CLTC: variants seen among roughly 807,000 people sequenced by gnomAD.
CLTC encodes clathrin heavy chain 1.
A neutral mutation model predicts 195.8 loss-of-function variants in CLTC; 16 were observed. The ratio of observed to expected loss-of-function variants is 0.08; its 90% CI spans 0.06 to 0.12. The LOEUF (loss-of-function observed/expected upper bound fraction) is 0.12, where lower values mean the gene tolerates loss of function less well. CLTC is among the 10% of genes least tolerant of loss of function. The pLI is 1.00. For missense variants in CLTC, 796 were observed against 2,027.0 expected (o/e 0.39, Z 11.66); for synonymous variants, 667 against 689.4 (o/e 0.97, Z 0.51).
In CLTC at chr17:59,661,435, T is replaced by C. The variant is rs762133938; in HGVS notation, c.1168-8T>C. 1.2e-6 allele frequency: 2 copies of C among 1,612,224 alleles called. No individual in the cohort carries two copies. Among genetic ancestry groups the C allele is most frequent in the African/African-American group, 1.3e-5 (1 of 74,852 alleles). ...TCGAAGAGCGTTTAACATTTCTCCT[T>C]CTTAAAGGGAATTCTTCGTACTCCA... is the stretch of plus-strand genomic sequence containing the variant. On this transcript the variant is annotated splice_region_variant and splice_polypyrimidine_tract_variant and intron_variant, in intron 7 of 31. Transcript: ENST00000269122.
In CLTC at chr17:59,619,901, T is replaced by C; in HGVS notation, c.-231T>C. The C allele has an allele frequency of 3.9e-6, 2 of 510,724 alleles. No homozygotes were observed. The allele number at this position is 510,724 out of a possible 1,614,324, so 31.6% of individuals were successfully genotyped here. On this transcript the variant is annotated 5_prime_UTR_variant, in exon 1 of 32. Transcript: ENST00000269122. ...GGATCCTTCCGCTGGGCTCAGCCGTTTCCGGAGTCTGCGCTGCGCCCGGTT... is the reference window on the plus strand; with the variant it reads ...GGATCCTTCCGCTGGGCTCAGCCGTCTCCGGAGTCTGCGCTGCGCCCGGTT...
At position 59,690,729 on chromosome 17, in the gene CLTC, C is replaced by A; in HGVS notation, c.4903+18C>A. ...TGTTTATGGTAATCTCTCTCTGTAA[C>A]CTCAAAAAATTCATTAGACAAATAT... On this transcript the variant is annotated intron_variant, in intron 31 of 31. Coordinates refer to ENST00000269122, the MANE Select transcript of CLTC (RefSeq NM_004859.4). 1 of 1,575,532 alleles carries A rather than the reference C, an allele frequency of 6.3e-7. No individual in the cohort carries two copies. The highest frequency in any genetic ancestry group is 1.1e-5 in the South Asian group (1 of 88,966).
chr17:59,683,796 A>G lies in CLTC; in HGVS notation c.4323+40A>G. On this transcript the variant is annotated intron_variant, in intron 27 of 31. Coordinates refer to ENST00000269122, the MANE Select transcript of CLTC (RefSeq NM_004859.4). This position sits in a 1 kb window ranked among gnomAD's most constrained non-coding sequence, Gnocchi z 6.1. The stretch of plus-strand genomic sequence containing the variant: ...TTAAACCAAAGCTTCATAGCAAGGA[A>G]TTAGGACATACTTCGATAACTTTTG... 1 of 1,613,704 alleles carries G rather than the reference A, an allele frequency of 6.2e-7. No homozygotes were observed. Among genetic ancestry groups the G allele is most frequent in the South Asian group, 1.1e-5 (1 of 91,062 alleles).
At position 59,685,718 on chromosome 17, in the gene CLTC, A is replaced by G; in HGVS notation, c.4737A>G (p.Pro1579=). The change falls in exon 30 of 32, where the codon CCA becomes CCG. Residue 1579 remains proline (P), a synonymous_variant. Coordinates refer to ENST00000269122, the MANE Select transcript of CLTC (RefSeq NM_004859.4). This position sits in a 1 kb window ranked among gnomAD's most constrained non-coding sequence, Gnocchi z 5.0. Reference sequence around the variant, plus strand: ...TTACCTGTTACGATCTTTTAAGGCCAGATGTCGTCCTAGAAACTGCATGGA... The same window carrying G: ...TTACCTGTTACGATCTTTTAAGGCCGGATGTCGTCCTAGAAACTGCATGGA... The part of the protein sequence containing the change: ...CLFTCYDLLR[P]DVVLETAWRH... 6.2e-7 allele frequency: 1 copy of G among 1,614,164 alleles called. No individual in the cohort carries two copies. The highest frequency in any genetic ancestry group is 8.5e-7 in the Non-Finnish European group (1 of 1,179,990).
chr17:59,655,928 T>C lies in CLTC; in HGVS notation c.870T>C (p.Gly290=). 1 of 1,612,746 alleles carries C rather than the reference T, an allele frequency of 6.2e-7. No homozygotes were observed. Among genetic ancestry groups the C allele is most frequent in the Non-Finnish European group, 8.5e-7 (1 of 1,179,530 alleles). Reference sequence around the variant, plus strand: ...TCCACCTCTATGATCTTGAGACTGGTACCTGCATCTACATGAATAGAATCA... The same window carrying C: ...TCCACCTCTATGATCTTGAGACTGGCACCTGCATCTACATGAATAGAATCA... ...GYIHLYDLET[G]TCIYMNRISG... is the part of the protein sequence containing the mutation. Residue 290 remains glycine, a synonymous_variant, in exon 6 of 32, where the codon GGT becomes GGC. Coordinates refer to ENST00000269122, the MANE Select transcript of CLTC (RefSeq NM_004859.4).
chr17:59,671,471 G>A (rs925651963), intron 14 of CLTC, among the ~76,000 whole-genome samples: 7 of 152,106 alleles, frequency 4.6e-5, no homozygotes, highest in Non-Finnish European at 1.0e-4. Flanking sequence ...ATATTCAAGT[G>A]CCAATTGTGT....
intron 1 of CLTC, among the ~76,000 whole-genome samples, chr17:59,643,556 G>A (rs916719151): frequency 1.3e-5 from 2 of 152,138 alleles, no homozygotes; most frequent in African/African-American, 4.8e-5. Flanking sequence ...TTAGCTTGTT[G>A]GTCTGGCCCT....
intron 1 of CLTC, among the ~76,000 whole-genome samples, chr17:59,627,386 A>G (rs2031582938): frequency 6.6e-6 from 1 of 152,198 alleles, no homozygotes; most frequent in South Asian, 2.1e-4. Flanking sequence ...GATTAGCCTT[A>G]TTGTAGAGAT....
At chr17:59,665,618 C>A (rs907236499) in intron 10 of CLTC, among the ~76,000 whole-genome samples, 5 of 152,096 alleles carry the variant, frequency 3.3e-5, no homozygotes, top group Non-Finnish European at 7.3e-5. Context: ...GTGGGCAGAT[C>A]ACCTGAGGTC....
intron 5 of CLTC, among the ~76,000 whole-genome samples, chr17:59,653,657 A>T (rs372801946): frequency 2.6e-5 from 4 of 151,958 alleles, no homozygotes; most frequent in African/African-American, 9.7e-5. Flanking sequence ...GGCTCAACTG[A>T]TCCTCTTGCC....
intron 31 of CLTC, among the ~76,000 whole-genome samples, chr17:59,692,145 C>T (rs534429686): frequency 7.9e-5 from 12 of 152,182 alleles, no homozygotes; most frequent in South Asian, 6.2e-4. Flanking sequence ...GGTGAAACCC[C>T]ATCTCTACTA....
chr17:59,664,096 C>A, intron 9 of CLTC, 102 bp downstream of exon 9: 1 of 980,704 alleles, frequency 1.0e-6, no homozygotes, highest in Non-Finnish European at 1.5e-6. Flanking sequence ...AATTTCCTTT[C>A]ATTTTGATTT....
intron 1 of CLTC, among the ~76,000 whole-genome samples, chr17:59,632,139 C>T (rs939561823): frequency 9.9e-5 from 15 of 151,990 alleles, no homozygotes; most frequent in African/African-American, 3.1e-4. Context: ...GAGGGTGAGG[C>T]GGGCGGATCA....
intron 2 of CLTC, among the ~76,000 whole-genome samples, chr17:59,645,859 G>A (rs992214756): frequency 3.5e-5 from 2 of 57,400 alleles, no homozygotes; most frequent in African/African-American, 7.9e-5. Flanking sequence ...AGGGTATTAA[G>A]CTTCCTTCAG....
At chr17:59,645,354 A>G (rs2032162479) in intron 2 of CLTC, among the ~76,000 whole-genome samples, 1 of 152,188 alleles carries the variant, frequency 6.6e-6, no homozygotes, top group Admixed American at 6.5e-5. Context: ...GTTTATTCAG[A>G]CTAACTTTTT....
At chr17:59,645,666 A>G (rs1331921808) in intron 2 of CLTC, among the ~76,000 whole-genome samples, 1 of 152,210 alleles carries the variant, frequency 6.6e-6, no homozygotes, top group African/African-American at 2.4e-5. Context: ...TAAACTTTGT[A>G]TATAGTAATA....
chr17:59,628,240 G>A (rs763126384), intron 1 of CLTC, among the ~76,000 whole-genome samples: 2 of 152,176 alleles, frequency 1.3e-5, no homozygotes, highest in Non-Finnish European at 2.9e-5. Context: ...TCTGGAAAAT[G>A]TCTCAGATGT....
At chr17:59,641,032 T>C (rs1470222559) in intron 1 of CLTC, among the ~76,000 whole-genome samples, 2 of 151,194 alleles carry the variant, frequency 1.3e-5, no homozygotes, top group African/African-American at 4.9e-5. Flanking sequence ...GGCAGGAGAA[T>C]TGCTTGAACT....
rs2031305462 is a variant in CLTC, at chr17:59,619,978, C to T, written c.-154C>T. 7.7e-6 allele frequency: 5 copies of T among 651,494 alleles called. No individual in the cohort carries two copies. Among genetic ancestry groups the T allele is most frequent in the Admixed American group, 2.7e-5 (1 of 37,422 alleles). 40.4% of individuals were successfully genotyped at this position (651,494 alleles called of 1,614,324 possible). On this transcript the variant is annotated 5_prime_UTR_variant, in exon 1 of 32. Transcript: ENST00000269122. ...GGAGCCTCCGCCCCCGACCCGAGCT[C>T]TTTCGTCTGCCTGCCAGTTTCCTGC...
Sources: gnomAD v4.1 joint callset for allele counts (sites outside exome capture counted in the v4.1 genomes callset) on GRCh38, gnomAD v4.1.1 for gene constraint, Gnocchi (gnomAD v3.1) non-coding constraint, MANE v1.5 for transcripts, NCBI Gene and HGNC (gene_info 2026-07-23, HGNC 2026-07-21) for gene names.